RBFOX1: variants seen among roughly 807,000 people sequenced by gnomAD.
The protein encoded by RBFOX1 is RNA binding protein fox-1 homolog 1.
RBFOX1 carries 8 observed loss-of-function variants against 57.7 expected under a neutral mutation model. The ratio of observed to expected loss-of-function variants is 0.14; its 90% CI spans 0.08 to 0.25. The LOEUF (loss-of-function observed/expected upper bound fraction) is 0.25. Among genes scored for constraint, RBFOX1 ranks in the 10% least tolerant of loss-of-function variants. The pLI, the probability that RBFOX1 is intolerant of heterozygous loss-of-function variation, is 1.00. For missense variants in RBFOX1, 611 were observed against 548.5 expected (o/e 1.11, Z -1.14); for synonymous variants, 326 against 222.4 (o/e 1.47, Z -4.15).
chr16:6,874,775 G>C (rs1203043838), intron 3 of RBFOX1, among the ~76,000 whole-genome samples: 1 of 152,116 alleles, frequency 6.6e-6, no homozygotes, highest in Non-Finnish European at 1.5e-5. Flanking sequence ...GGGACTTGAG[G>C]GGAAGGGTGG....
At chr16:6,296,566 G>C (rs1019221512) in intron 1 of RBFOX1, among the ~76,000 whole-genome samples, 1 of 151,946 alleles carries the variant, frequency 6.6e-6, no homozygotes, top group Non-Finnish European at 1.5e-5. Context: ...GACTACAGGC[G>C]TCCACCACCA....
chr16:7,070,334 T>G (rs1378030160), intron 4 of RBFOX1, among the ~76,000 whole-genome samples: 1 of 152,174 alleles, frequency 6.6e-6, no homozygotes, highest in Non-Finnish European at 1.5e-5. Context: ...CTTTCCTGGA[T>G]AGAGAACATG....
At chr16:5,423,611 G>C (rs966923480) in intron 1 of RBFOX1, among the ~76,000 whole-genome samples, 1 of 152,188 alleles carries the variant, frequency 6.6e-6, no homozygotes, top group East Asian at 1.9e-4. Context: ...CTGCCTGTCT[G>C]TGAGCAGGGG....
intron 3 of RBFOX1, among the ~76,000 whole-genome samples, chr16:6,926,294 A>G (rs2153463502): frequency 6.6e-6 from 1 of 152,244 alleles, no homozygotes; most frequent in East Asian, 1.9e-4. Context: ...GCAACAGAGC[A>G]AGACTCCATC....
chr16:5,716,483 A>C (rs1487582527), intron 3 of RBFOX1, among the ~76,000 whole-genome samples: 3 of 152,230 alleles, frequency 2.0e-5, no homozygotes, highest in Non-Finnish European at 4.4e-5. Context: ...GATTAGAGAA[A>C]TGCAAATCAA....
intron 2 of RBFOX1, among the ~76,000 whole-genome samples, chr16:6,605,980 G>T (rs1274159719): frequency 6.6e-6 from 1 of 151,986 alleles, no homozygotes; most frequent in Admixed American, 6.6e-5. Context: ...GGTGGGGGCA[G>T]TGCCTGTAGT....
Position 5,885,076 on chromosome 16 carries a change from T to C in RBFOX1, c.351+17741T>C, listed in dbSNP as rs1237404210. Among the ~76,000 whole-genome samples, 4 of 152,148 alleles carry C rather than the reference T, an allele frequency of 2.6e-5. No individual in the cohort carries two copies. In the East Asian group the frequency reaches 7.7e-4, roughly 29 times the overall value. On this transcript the variant is annotated intron_variant, in intron 4 of 19. Transcript: ENST00000641259. ...GAGGCCAGATGGTCTTCGGGTCTCTTGTAGATGAGCATTCTCCAAATGGAG... is the reference window on the plus strand; with the variant it reads ...GAGGCCAGATGGTCTTCGGGTCTCTCGTAGATGAGCATTCTCCAAATGGAG...
At chr16:5,447,681 C>T (rs1048662731) in intron 1 of RBFOX1, among the ~76,000 whole-genome samples, 2 of 152,238 alleles carry the variant, frequency 1.3e-5, no homozygotes, top group Non-Finnish European at 2.9e-5. Flanking sequence ...CTGGCATGAG[C>T]CACCGTGCCC....
intron 1 of RBFOX1, among the ~76,000 whole-genome samples, chr16:5,435,468 G>A (rs371517929): frequency 1.1e-4 from 17 of 152,106 alleles, no homozygotes; most frequent in African/African-American, 3.9e-4. Context: ...TATCCTGAAG[G>A]GAAAAAACAG....
At chr16:5,454,731 C>CTTTGTTTCTTTCTTTTTCT (rs371392995) in intron 1 of RBFOX1, among the ~76,000 whole-genome samples, 1 of 34,644 alleles carries the variant, frequency 2.9e-5, no homozygotes, top group Non-Finnish European at 6.2e-5. Context: ...AAATCTCTCT[C>CTTTGTTTCTTTCTTTTTCT]TTTCTTTCTT....
intron 4 of RBFOX1, among the ~76,000 whole-genome samples, chr16:7,221,480 C>A (rs1166574670): frequency 6.6e-6 from 1 of 152,090 alleles, no homozygotes; most frequent in Non-Finnish European, 1.5e-5. Flanking sequence ...GATTCTCCTG[C>A]CTCAGCTTCC....
intron 2 of RBFOX1, among the ~76,000 whole-genome samples, chr16:6,555,273 C>G (rs1266269181): frequency 6.6e-6 from 1 of 152,166 alleles, no homozygotes; most frequent in African/African-American, 2.4e-5. Context: ...TTTCCTTTCA[C>G]CCAAATCCTA....
chr16:5,447,378 A>ATCAATC (rs143837516), intron 1 of RBFOX1, among the ~76,000 whole-genome samples: 9 of 134,360 alleles, frequency 6.7e-5, no homozygotes, highest in Admixed American at 5.1e-4. Context: ...CAATCAATCA[A>ATCAATC]TCTCTCTCTC....
chr16:5,373,459 C>T lies in RBFOX1; in HGVS notation c.220-93757C>T, dbSNP rs532404278. 5.3e-5 allele frequency among the ~76,000 whole-genome samples: 8 copies of T among 152,186 alleles called. No individual in the cohort carries two copies. In the South Asian group the frequency reaches 1.2e-3, roughly 24 times the overall value. ...TTGTTTAAAAGTGTGTAGCACCTCTCCCTTCACTTTCTCTTCCTCCTCCTC... is the reference window on the plus strand; with the variant it reads ...TTGTTTAAAAGTGTGTAGCACCTCTTCCTTCACTTTCTCTTCCTCCTCCTC... On this transcript the variant is annotated intron_variant, in intron 1 of 2. Coordinates refer to the RBFOX1 transcript ENST00000585867.
At chr16:5,954,867 G>T (rs192006736) in intron 4 of RBFOX1, among the ~76,000 whole-genome samples, 16 of 152,036 alleles carry the variant, frequency 1.1e-4, no homozygotes, top group African/African-American at 3.9e-4. Context: ...GTGGACAGGT[G>T]GACTGAGTAA....
intron 3 of RBFOX1, among the ~76,000 whole-genome samples, chr16:5,617,885 T>A (rs2048084683): frequency 6.6e-6 from 1 of 152,192 alleles, no homozygotes; most frequent in African/African-American, 2.4e-5. Flanking sequence ...TCTGTGACAT[T>A]ATGAAAGGTA....
intron 1 of RBFOX1, among the ~76,000 whole-genome samples, chr16:6,299,493 T>C (rs2078544978): frequency 1.3e-5 from 2 of 152,120 alleles, no homozygotes; most frequent in African/African-American, 4.8e-5. Context: ...CGCCAGCACA[T>C]GGTGAAGCGC....
intron 3 of RBFOX1, among the ~76,000 whole-genome samples, chr16:6,677,068 A>C (rs532281041): frequency 2.0e-4 from 31 of 152,368 alleles, no homozygotes; most frequent in South Asian, 1.0e-3. Context: ...TTCTACTTGC[A>C]AGACTAACTG....
chr16:6,069,304 A>C (rs892991719), intron 1 of RBFOX1, among the ~76,000 whole-genome samples: 4 of 150,418 alleles, frequency 2.7e-5, no homozygotes, highest in African/African-American at 4.9e-5. Context: ...AGGCTGAGGC[A>C]GGAGAATCAC....
Sources: gnomAD v4.1 joint callset for allele counts (sites outside exome capture counted in the v4.1 genomes callset) on GRCh38, gnomAD v4.1.1 for gene constraint, MANE v1.5 for transcripts, NCBI Gene and HGNC (gene_info 2026-07-23, HGNC 2026-07-21) for gene names.